The following RAD50 variants were observed in gnomAD, a reference collection of about 807,000 sequenced individuals.
RAD50 encodes the protein DNA repair protein RAD50.
Under a neutral mutation model 168.8 loss-of-function variants are expected in RAD50, and 132 were observed. The observed-to-expected ratio is 0.78, with a 90% CI of 0.68 to 0.90. The LOEUF (loss-of-function observed/expected upper bound fraction) is 0.90, where lower values mean the gene tolerates loss of function less well. RAD50 is among the 40% of genes least tolerant of loss of function. The pLI, the probability that RAD50 is intolerant of heterozygous loss-of-function variation, is 0.00. For synonymous variants in RAD50, 525 were observed against 497.4 expected, an observed-to-expected ratio of 1.06 and a Z score of -0.74; for missense variants, 1,347 against 1,534.4, an observed-to-expected ratio of 0.88 and a Z score of 2.04.
Position 132,557,356 on chromosome 5 carries a change from G to C in RAD50, c.32G>C (p.Gly11Ala). 1 of 1,614,138 alleles carries C rather than the reference G, an allele frequency of 6.2e-7. No homozygotes were observed. Among genetic ancestry groups the C allele is most frequent in the Non-Finnish European group, 8.5e-7 (1 of 1,179,938 alleles). MSRIEKMSIL[G>A]VRSFGIEDKD... Reference sequence around the variant, plus strand: ...CGGATCGAAAAGATGAGCATTCTGGGCGTGCGGAGTTTTGGAATAGAGGAC... The same window carrying C: ...CGGATCGAAAAGATGAGCATTCTGGCCGTGCGGAGTTTTGGAATAGAGGAC... The change falls in exon 1 of 25, where the codon GGC becomes GCC. Residue 11 changes from glycine to alanine, a missense_variant. Around this residue, in one of 3 missense-constraint regions of RAD50, gnomAD observed 703 missense variants for 767.7 expected, o/e 0.92. Transcript: ENST00000378823.
In RAD50 at chr5:132,609,651, G is replaced by A. The variant is rs186302446; in HGVS notation, c.3036+255G>A. Among the ~76,000 whole-genome samples, 243 of 152,088 alleles carry A rather than the reference G, an allele frequency of 1.6e-3. 5 individuals carry two copies. In the South Asian group the frequency reaches 0.04, roughly 25 times the overall value. On this transcript the variant is annotated intron_variant, in intron 19 of 24. Coordinates refer to ENST00000378823, the MANE Select transcript of RAD50 (RefSeq NM_005732.4). ...ACAAAAATTAGCTGGCCGTGGCGGC[G>A]CGCACCTGTAGTCCCAGCTACTCGG...
chr5:132,590,148 G>A (rs987665019), intron 9 of RAD50, among the ~76,000 whole-genome samples: 2 of 152,098 alleles, frequency 1.3e-5, no homozygotes, highest in Admixed American at 1.3e-4. Context: ...CAACAAAACT[G>A]GCTAATTCTT....
At chr5:132,596,754 T>G (rs916556833) in intron 13 of RAD50, among the ~76,000 whole-genome samples, 1 of 152,204 alleles carries the variant, frequency 6.6e-6, no homozygotes. Context: ...AAAGCTAGGC[T>G]TAATAAAGTG....
chr5:132,566,239 A>G (rs1750206351), intron 2 of RAD50, among the ~76,000 whole-genome samples: 2 of 152,308 alleles, frequency 1.3e-5, no homozygotes, highest in Non-Finnish European at 2.9e-5. Context: ...AATTCTATTT[A>G]CTAATTTGAT....
chr5:132,597,490 C>T (rs1750811911), intron 13 of RAD50, among the ~76,000 whole-genome samples: 1 of 152,182 alleles, frequency 6.6e-6, no homozygotes, highest in Non-Finnish European at 1.5e-5. Flanking sequence ...CCTCCCCTCT[C>T]TCACTCACTC....
intron 7 of RAD50, 26 bp from the exon 8 acceptor site, chr5:132,588,661 A>G (rs1384867212): frequency 6.2e-7 from 1 of 1,603,970 alleles, no homozygotes; most frequent in Non-Finnish European, 8.5e-7. Flanking sequence ...GTTGAAAAAA[A>G]AATTATGAGA....
chr5:132,558,458 C>T (rs924693615), intron 1 of RAD50, among the ~76,000 whole-genome samples: 2 of 152,162 alleles, frequency 1.3e-5, no homozygotes, highest in African/African-American at 4.8e-5. Context: ...CGCCTGTAAT[C>T]CCAGCACTTT....
In RAD50 at chr5:132,587,659, A is replaced by G; in HGVS notation, c.854A>G (p.Asp285Gly). The change falls in exon 6 of 25, where the codon GAT (aspartate) becomes GGT (glycine). Residue 285 changes from aspartate (D) to glycine (G), a missense_variant. This residue lies in a region of RAD50 where 703 missense variants were observed against 767.7 expected (regional missense o/e 0.92). Transcript: ENST00000378823. ...LDSRKKQMEK[D>G]NSELEEKMEK... ...AGCCGAAAGAAGCAAATGGAGAAAG[A>G]TAATAGTGAACTGGAAGAGAAAATG... is the stretch of plus-strand genomic sequence containing the variant. 6.2e-7 allele frequency: 1 copy of G among 1,613,906 alleles called. No individual in the cohort carries two copies. Among genetic ancestry groups the G allele is most frequent in the Non-Finnish European group, 8.5e-7 (1 of 1,179,894 alleles).
rs760768068 is a variant in RAD50 at position 132,609,224 on chromosome 5, A to T, written c.2922+15A>T. The T allele has an allele frequency of 6.2e-7, 1 of 1,607,278 alleles. No homozygotes were observed. Among genetic ancestry groups the T allele is most frequent in the East Asian group, 2.2e-5 (1 of 44,698 alleles). On this transcript the variant is annotated intron_variant, in intron 18 of 24. Coordinates refer to ENST00000378823, the MANE Select transcript of RAD50 (RefSeq NM_005732.4). Reference sequence around the variant, plus strand: ...ACTATAAGAAGGTAATTTAAAACTTAAAATTATTTATTTGATTGTATTTTT... The same window carrying T: ...ACTATAAGAAGGTAATTTAAAACTTTAAATTATTTATTTGATTGTATTTTT...
At chr5:132,588,633 T>C (rs1750638711) in intron 7 of RAD50, 54 bp from the exon 8 acceptor site, 2 of 1,516,738 alleles carry the variant, frequency 1.3e-6, no homozygotes, top group Non-Finnish European at 1.8e-6. Flanking sequence ...TGCAGCTATC[T>C]CAACTTTTTA....
rs1273705472 is a variant in RAD50, at chr5:132,594,933, G to A, written c.1858G>A (p.Glu620Lys). 1.2e-6 allele frequency: 2 copies of A among 1,609,658 alleles called. No individual in the cohort carries two copies. The highest frequency in any genetic ancestry group is 1.7e-5 in the Admixed American group (1 of 60,020). Residue 620 changes from glutamate (E) to lysine (K), a missense_variant, in exon 12 of 25, where the codon GAG becomes AAG. Glu to Lys is a moderately conservative substitution (Grantham distance 56). Coordinates refer to ENST00000378823, the MANE Select transcript of RAD50 (RefSeq NM_005732.4). ...AAATAATGAACTAAAAAGAAAGGAA[G>A]AGCAGTTGTCCAGTTACGAAGACAA... ...HINNELKRKE[E>K]QLSSYEDKLF...
Position 132,642,432 on chromosome 5 carries a change from C to A in RAD50, c.*68C>A. The A allele has an allele frequency of 7.5e-7, 1 of 1,331,894 alleles. No homozygotes were observed. 82.5% of individuals were successfully genotyped at this position (1,331,894 alleles called of 1,614,324 possible). A position where few individuals can be genotyped will look rare whatever the true frequency, so the allele number is the denominator to read the frequency against. On this transcript the variant is annotated 3_prime_UTR_variant, in exon 25 of 25. Transcript: ENST00000378823. ...AAAGTGTATAATAAGAAACTTATTTCTCATATCAACTTAGTCAATAAGAAA... is the reference window on the plus strand; with the variant it reads ...AAAGTGTATAATAAGAAACTTATTTATCATATCAACTTAGTCAATAAGAAA...
intron 11 of RAD50, chr5:132,593,493 C>T (rs753255986): frequency 3.3e-5 from 5 of 152,086 alleles, no homozygotes; most frequent in African/African-American, 1.2e-4. Flanking sequence ...AATTTGTAGA[C>T]CTATGAAGAT....
chr5:132,643,734 G>GGGGGGGGGGGGGGGGGGC lies in RAD50; in HGVS notation c.*1370_*1371insGGGGGGGGGGGGGGGGGC. On this transcript the variant is annotated 3_prime_UTR_variant, in exon 25 of 25. Coordinates refer to ENST00000378823, the MANE Select transcript of RAD50 (RefSeq NM_005732.4). ...GGGGGTGGTGGTGGGGTGGGGGGGG[G>GGGGGGGGGGGGGGGGGGC]TCCTAAATGTAATCACGAGTAAGAT... 1.1e-5 allele frequency: 2 copies of GGGGGGGGGGGGGGGGGGC among 177,106 alleles called. No individual in the cohort carries two copies. The highest frequency in any genetic ancestry group is 9.8e-5 in the East Asian group (1 of 10,252). The allele number at this position is 177,106 out of a possible 1,614,324, so 11.0% of individuals were successfully genotyped here.
In RAD50 at chr5:132,557,118, G is replaced by A. The variant is rs143370414; in HGVS notation, c.-207G>A. ...CTCCCCACCGGCGGGGAAAGCAGCT[G>A]GTGTGGGAGGAAAGGCTCCATCCCC... On this transcript the variant is annotated 5_prime_UTR_variant, in exon 1 of 25. Transcript: ENST00000378823. 4 of 735,420 alleles carry A rather than the reference G, an allele frequency of 5.4e-6. No individual in the cohort carries two copies. The highest frequency in any genetic ancestry group is 5.2e-5 in the African/African-American group (3 of 57,406). 45.6% of individuals were successfully genotyped at this position (735,420 alleles called of 1,614,324 possible).
intron 21 of RAD50, among the ~76,000 whole-genome samples, chr5:132,627,753 A>G (rs930337345): frequency 1.3e-5 from 2 of 152,228 alleles, no homozygotes; most frequent in African/African-American, 2.4e-5. Flanking sequence ...GGGAAGTAAT[A>G]TAATCTGATT....
At chr5:132,618,526 A>G (rs1025571687) in intron 21 of RAD50, among the ~76,000 whole-genome samples, 1 of 152,082 alleles carries the variant, frequency 6.6e-6, no homozygotes, top group African/African-American at 2.4e-5. Flanking sequence ...TTACAGGTGC[A>G]TGCCACCACG....
intron 21 of RAD50, among the ~76,000 whole-genome samples, chr5:132,622,306 G>T (rs1751299887): frequency 6.6e-6 from 1 of 151,954 alleles, no homozygotes; most frequent in Non-Finnish European, 1.5e-5. Flanking sequence ...AATTACAGAT[G>T]CATGCCACCA....
At position 132,644,159 on chromosome 5, in the gene RAD50, T is replaced by G. The variant is rs1221479176; in HGVS notation, c.*1795T>G. On this transcript the variant is annotated 3_prime_UTR_variant, in exon 25 of 25. Coordinates refer to ENST00000378823, the MANE Select transcript of RAD50 (RefSeq NM_005732.4). ...ATCAATATAGGCAGTGAAACAAAAG[T>G]ATCATTTGCAAGTTAAAACAGACTT... The G allele has an allele frequency of 5.5e-6, 1 of 182,516 alleles. No individual in the cohort carries two copies. Among genetic ancestry groups the G allele is most frequent in the Admixed American group, 6.3e-5 (1 of 15,982 alleles). 11.3% of individuals were successfully genotyped at this position (182,516 alleles called of 1,614,324 possible).
Sources: allele counts gnomAD v4.1 joint callset (sites outside exome capture counted in the v4.1 genomes callset), GRCh38; gene constraint gnomAD v4.1.1; regional missense constraint gnomAD v4.1.1; transcripts MANE v1.5; gene names NCBI Gene and HGNC (gene_info 2026-07-23, HGNC 2026-07-21).